TFCP2L1: variants seen among roughly 807,000 people sequenced by gnomAD.
The protein encoded by TFCP2L1 is transcription factor CP2 like 1, also known as transcription factor CP2-like protein 1.
In TFCP2L1, 12 loss-of-function variants were observed where a neutral mutation model predicts 72.2. The observed-to-expected ratio is 0.17, with a 90% CI of 0.11 to 0.27. The LOEUF (loss-of-function observed/expected upper bound fraction) is 0.27. TFCP2L1 is among the 10% of genes least tolerant of loss of function. The pLI is 1.00. For synonymous variants in TFCP2L1, 260 were observed against 251.0 expected (o/e 1.04, Z -0.34); for missense variants, 488 against 624.6 (o/e 0.78, Z 2.33).
Position 121,235,583 on chromosome 2 carries a change from T to C in TFCP2L1, c.1004-272A>G, listed in dbSNP as rs1386311096. Among the ~76,000 whole-genome samples, 227 of 150,244 alleles carry C rather than the reference T, an allele frequency of 1.5e-3. 1 individual carries two copies. The highest frequency in any genetic ancestry group is 6.9e-3 in the Middle Eastern group (2 of 288). ...CTTGCTTTCTTTCTTTCTTTTTTTT[T>C]TTTTTTTTTTTTTTAAGAGACAAGG... On this transcript the variant is annotated intron_variant, in intron 10 of 14. Coordinates refer to ENST00000263707, the MANE Select transcript of TFCP2L1 (RefSeq NM_014553.3).
In TFCP2L1 at chr2:121,240,594, G is replaced by A. The variant is rs569630228; in HGVS notation, c.769-945C>T. 1.1e-4 allele frequency: 111 copies of A among 985,388 alleles called. 1 individual carries two copies. In the South Asian group the frequency reaches 4.1e-3, roughly 37 times the overall value. The allele number at this position is 985,388 out of a possible 1,614,324, so 61.0% of individuals were successfully genotyped here. A position where few individuals can be genotyped will look rare whatever the true frequency, so the allele number is the denominator to read the frequency against. The stretch of plus-strand genomic sequence containing the variant: ...CCTCCCAGGGTGGGCTTTCAACTAC[G>A]CTGCACTGTGGCAAGGGCTTGGACA... On this transcript the variant is annotated intron_variant, in intron 7 of 14. Transcript: ENST00000263707.
chr2:121,257,747 G>A (rs1686756552), intron 2 of TFCP2L1, among the ~76,000 whole-genome samples: 1 of 152,346 alleles, frequency 6.6e-6, no homozygotes, highest in South Asian at 2.1e-4. Flanking sequence ...ACACAGGAAT[G>A]AATGGGCAGC....
chr2:121,250,880 C>T (rs530026090), intron 2 of TFCP2L1, among the ~76,000 whole-genome samples: 6 of 151,754 alleles, frequency 4.0e-5, no homozygotes, highest in Non-Finnish European at 2.9e-5. Flanking sequence ...GCTGGGATTA[C>T]AGGCGTGAGC....
intron 2 of TFCP2L1, among the ~76,000 whole-genome samples, chr2:121,266,413 A>G (rs568162741): frequency 3.3e-5 from 5 of 152,276 alleles, no homozygotes; most frequent in African/African-American, 1.2e-4. Context: ...ATAAATCATA[A>G]CCCTATTTCT....
intron 2 of TFCP2L1, among the ~76,000 whole-genome samples, chr2:121,256,313 G>A (rs1031370782): frequency 1.3e-5 from 2 of 152,170 alleles, no homozygotes; most frequent in Admixed American, 6.5e-5. Context: ...GTTTTGGCAC[G>A]GGGAGAAACA....
chr2:121,253,149 C>T (rs1331514235), intron 2 of TFCP2L1, among the ~76,000 whole-genome samples: 1 of 152,206 alleles, frequency 6.6e-6, no homozygotes, highest in Non-Finnish European at 1.5e-5. Flanking sequence ...TGGCCGAGCA[C>T]AGCCATGCCC....
At chr2:121,264,692 T>C (rs1686894254) in intron 2 of TFCP2L1, among the ~76,000 whole-genome samples, 1 of 152,168 alleles carries the variant, frequency 6.6e-6, no homozygotes, top group South Asian at 2.1e-4. Context: ...AGTCAAAGAA[T>C]GCTCCCCAAC....
chr2:121,234,249 T>C, intron 11 of TFCP2L1, 55 bp from the exon 12 acceptor site: 1 of 1,510,994 alleles, frequency 6.6e-7, no homozygotes, highest in Admixed American at 1.7e-5. Flanking sequence ...CGCAGTTGTT[T>C]CAGAATATTC....
chr2:121,250,462 T>A (rs1024500686), intron 2 of TFCP2L1, among the ~76,000 whole-genome samples: 6 of 151,176 alleles, frequency 4.0e-5, no homozygotes, highest in East Asian at 3.9e-4. Flanking sequence ...TCTCAAAAAA[T>A]ATATATATAT....
intron 2 of TFCP2L1, among the ~76,000 whole-genome samples, chr2:121,254,767 C>A (rs1040756464): frequency 6.6e-6 from 1 of 151,330 alleles, no homozygotes; most frequent in African/African-American, 2.4e-5. Context: ...CATGCCACTG[C>A]GCTCCAGCCT....
intron 13 of TFCP2L1, among the ~76,000 whole-genome samples, chr2:121,228,605 A>T (rs1025683176): frequency 2.9e-4 from 18 of 63,020 alleles, no homozygotes; most frequent in South Asian, 7.8e-4. Context: ...ACAAAAAATT[A>T]AAAAAAAAAA....
At chr2:121,262,146 C>G (rs1435232021) in intron 2 of TFCP2L1, among the ~76,000 whole-genome samples, 1 of 152,148 alleles carries the variant, frequency 6.6e-6, no homozygotes, top group Non-Finnish European at 1.5e-5. Flanking sequence ...GAGACCTCGT[C>G]TCTTATTTAT....
chr2:121,282,471 A>C (rs1687284333), intron 1 of TFCP2L1, among the ~76,000 whole-genome samples: 1 of 151,334 alleles, frequency 6.6e-6, no homozygotes, highest in Non-Finnish European at 1.5e-5. Context: ...GCTTGAAGCC[A>C]GGGGTTTGAG....
At position 121,266,314 on chromosome 2, in the gene TFCP2L1, G is replaced by GC. The variant is rs549421877; in HGVS notation, c.214+14805dup. Among the ~76,000 whole-genome samples the GC allele has an allele frequency of 9.4e-4, 143 of 152,002 alleles. 1 individual carries two copies. Among genetic ancestry groups the GC allele is most frequent in the African/African-American group, 3.2e-3 (134 of 41,420 alleles). On this transcript the variant is annotated intron_variant, in intron 2 of 14. Transcript: ENST00000263707. ...CTCCTCCAAATATCCACAAAAAATT[G>GC]CCAAAGTTAGTGGCAGAAGGAAAGT...
chr2:121,269,918 A>AAAAAAAAAAAAAATATAT lies in TFCP2L1; in HGVS notation c.214+11201_214+11202insATATATTTTTTTTTTTTT. On this transcript the variant is annotated intron_variant, in intron 2 of 14. Coordinates refer to ENST00000263707, the MANE Select transcript of TFCP2L1 (RefSeq NM_014553.3). Reference sequence around the variant, plus strand: ...AGCAAGACTCCATCTAAAAAAAAAAAATATATATATATATATATGCAAAAG... The same window carrying AAAAAAAAAAAAAATATAT: ...AGCAAGACTCCATCTAAAAAAAAAAAAAAAAAAAAAAAATATATATATATATATATATATATGCAAAAG... Among the ~76,000 whole-genome samples, 581 of 114,934 alleles carry AAAAAAAAAAAAAATATAT rather than the reference A, an allele frequency of 5.1e-3. 5 individuals carry two copies. The highest frequency in any genetic ancestry group is 7.8e-3 in the Non-Finnish European group (472 of 60,240). The allele number at this position is 114,934 out of a possible 152,430, so 75.4% of individuals were successfully genotyped here.
intron 3 of TFCP2L1, 62 bp downstream of exon 3, chr2:121,249,508 AG>A: frequency 7.8e-6 from 12 of 1,534,680 alleles, no homozygotes; most frequent in Non-Finnish European, 9.0e-6. Context: ...CAGCAAGCCC[AG>A]GTGCCCAGAC....
chr2:121,247,858 A>G (rs533657124), intron 5 of TFCP2L1, among the ~76,000 whole-genome samples: 193 of 152,382 alleles, frequency 1.3e-3, no homozygotes, highest in Non-Finnish European at 1.9e-3. Flanking sequence ...TAGAAACTAT[A>G]ATAGAAAAAA....
At chr2:121,278,918 T>C (rs953441306) in intron 2 of TFCP2L1, among the ~76,000 whole-genome samples, 6 of 145,318 alleles carry the variant, frequency 4.1e-5, no homozygotes, top group East Asian at 4.1e-4. Flanking sequence ...GCAGGAGAAT[T>C]GCTTGAACCC....
At chr2:121,280,032 A>T (rs58599651) in intron 2 of TFCP2L1, among the ~76,000 whole-genome samples, 307 of 152,294 alleles carry the variant, frequency 2.0e-3, no homozygotes, top group African/African-American at 7.0e-3. Flanking sequence ...TCATGATAGA[A>T]CCACAAAAAC....
Sources: allele counts gnomAD v4.1 joint callset (sites outside exome capture counted in the v4.1 genomes callset), GRCh38; gene constraint gnomAD v4.1.1; transcripts MANE v1.5; gene names NCBI Gene and HGNC (gene_info 2026-07-23, HGNC 2026-07-21).